NRXN3: variants seen among roughly 807,000 people sequenced by gnomAD.
The protein encoded by NRXN3 is neurexin III.
NRXN3 carries 32 observed loss-of-function variants against 137.6 expected under a neutral mutation model. That is an observed-to-expected ratio of 0.23 (90% CI 0.18 to 0.31). The LOEUF (loss-of-function observed/expected upper bound fraction) is 0.31. NRXN3 is among the 10% of genes least tolerant of loss of function. NRXN3 has a pLI of 1.00. For synonymous variants in NRXN3, 798 were observed against 784.5 expected (o/e 1.02, Z -0.29); for missense variants, 1,574 against 2,062.5 (o/e 0.76, Z 4.59).
At chr14:79,199,835 G>A (rs988402440) in intron 15 of NRXN3, 2 of 152,194 alleles carry the variant, frequency 1.3e-5, no homozygotes, top group Non-Finnish European at 2.9e-5. Flanking sequence ...AAGTAGAAAG[G>A]TTTCAAATGG....
At position 79,375,276 on chromosome 14, in the gene NRXN3, G is replaced by A. The variant is rs865931256; in HGVS notation, c.3263-91945G>A. On this transcript the variant is annotated intron_variant, in intron 15 of 20. Coordinates refer to ENST00000335750, the MANE Select transcript of NRXN3 (RefSeq NM_001330195.2). Reference sequence around the variant, plus strand: ...TCCTTAAACACAAAACTACACCCCCGCCTCCAGCTCCCACCCCCTCCCACA... The same window carrying A: ...TCCTTAAACACAAAACTACACCCCCACCTCCAGCTCCCACCCCCTCCCACA... Among the ~76,000 whole-genome samples the A allele has an allele frequency of 2.0e-3, 208 of 104,110 alleles. 2 individuals are homozygous for A. Among genetic ancestry groups the A allele is most frequent in the African/African-American group, 7.0e-3 (197 of 28,280 alleles). The allele number at this position is 104,110 out of a possible 152,430, so 68.3% of individuals were successfully genotyped here.
chr14:78,927,150 C>CTCTTAAGAA (rs546385554), intron 10 of NRXN3, among the ~76,000 whole-genome samples: 2 of 111,724 alleles, frequency 1.8e-5, no homozygotes, highest in African/African-American at 6.8e-5. Context: ...GTGAGACCCT[C>CTCTTAAGAA]AAAAAAAAAA....
chr14:78,225,980 TG>T (rs1567013526), intron 1 of NRXN3, among the ~76,000 whole-genome samples: 50 of 133,860 alleles, frequency 3.7e-4, no homozygotes, highest in African/African-American at 1.1e-3. Flanking sequence ...TGTTGGTGTG[TG>T]TGTGTGTGTG....
intron 8 of NRXN3, among the ~76,000 whole-genome samples, chr14:78,734,206 AACACACACACACACACACAC>A (rs10563958): frequency 1.2e-4 from 16 of 137,702 alleles, no homozygotes; most frequent in African/African-American, 2.1e-4. Flanking sequence ...CTGCATCTGA[AACACACACACACACACACAC>A]ACACACACAC....
At chr14:78,305,422 T>C (rs1365091342) in intron 4 of NRXN3, among the ~76,000 whole-genome samples, 1 of 152,170 alleles carries the variant, frequency 6.6e-6, no homozygotes, top group Non-Finnish European at 1.5e-5. Context: ...TCAGAAGCCC[T>C]TTTTGATTTG....
chr14:79,190,015 G>C (rs2064072079), intron 15 of NRXN3, among the ~76,000 whole-genome samples: 1 of 152,098 alleles, frequency 6.6e-6, no homozygotes, highest in East Asian at 1.9e-4. Flanking sequence ...TTGCATTTTG[G>C]AATTGGGTGA....
chr14:78,597,492 A>C (rs941502656), intron 4 of NRXN3, among the ~76,000 whole-genome samples: 2 of 152,266 alleles, frequency 1.3e-5, no homozygotes, highest in South Asian at 4.2e-4. Flanking sequence ...CAAAGGACCC[A>C]ATAGAAGCTT....
intron 19 of NRXN3, among the ~76,000 whole-genome samples, chr14:79,741,495 T>C (rs184835290): frequency 1.3e-5 from 2 of 152,094 alleles, no homozygotes; most frequent in Admixed American, 1.3e-4. Flanking sequence ...AATTTTTTGT[T>C]GTTGTTTTTG....
chr14:79,704,658 C>T (rs1005889720), intron 19 of NRXN3, among the ~76,000 whole-genome samples: 7 of 152,256 alleles, frequency 4.6e-5, no homozygotes, highest in East Asian at 3.9e-4. Context: ...CTGGAGAAGG[C>T]GCTGAAGATT....
intron 10 of NRXN3, among the ~76,000 whole-genome samples, chr14:78,852,574 T>C (rs2099045519): frequency 6.6e-6 from 1 of 152,210 alleles, no homozygotes; most frequent in Non-Finnish European, 1.5e-5. Flanking sequence ...TGTTCATATG[T>C]TCATGTGTTT....
In NRXN3 at chr14:78,798,803, A is replaced by G. The variant is rs2153070839; in HGVS notation, c.2045-4817A>G. Among the ~76,000 whole-genome samples, 3 of 152,316 alleles carry G rather than the reference A, an allele frequency of 2.0e-5. No homozygotes were observed. The South Asian group carries it at 6.2e-4, about 32-fold the overall frequency. Reference sequence around the variant, plus strand: ...CGTGTACCCACATGCTCAATATCACATGGAAGCTGCCAAGGCTTGGGGCTT... The same window carrying G: ...CGTGTACCCACATGCTCAATATCACGTGGAAGCTGCCAAGGCTTGGGGCTT... On this transcript the variant is annotated intron_variant, in intron 8 of 20. Coordinates refer to ENST00000335750, the MANE Select transcript of NRXN3 (RefSeq NM_001330195.2).
chr14:79,452,152 C>T (rs527856548), intron 15 of NRXN3, among the ~76,000 whole-genome samples: 1 of 152,066 alleles, frequency 6.6e-6, no homozygotes, highest in Admixed American at 6.6e-5. Flanking sequence ...AAAGCAGTTT[C>T]CAATCTAAGT....
At chr14:78,324,538 C>T (rs908534509) in intron 4 of NRXN3, among the ~76,000 whole-genome samples, 1 of 151,992 alleles carries the variant, frequency 6.6e-6, no homozygotes, top group Non-Finnish European at 1.5e-5. Context: ...GTATAAATAA[C>T]AAAACCAAAT....
intron 4 of NRXN3, among the ~76,000 whole-genome samples, chr14:78,454,795 C>T (rs1342334695): frequency 6.6e-6 from 1 of 152,074 alleles, no homozygotes; most frequent in East Asian, 1.9e-4. Flanking sequence ...GCAGAGGGAA[C>T]AGGATATGTA....
chr14:79,436,872 C>A (rs1193545251), intron 15 of NRXN3, among the ~76,000 whole-genome samples: 1 of 152,178 alleles, frequency 6.6e-6, no homozygotes, highest in Non-Finnish European at 1.5e-5. Context: ...TCAGCCTGCA[C>A]TCCGTTATCT....
chr14:78,412,922 T>A (rs1056088350), intron 4 of NRXN3, among the ~76,000 whole-genome samples: 9 of 152,186 alleles, frequency 5.9e-5, no homozygotes, highest in African/African-American at 1.9e-4. Context: ...AGTCTCTCAT[T>A]TGCTTTGCTT....
chr14:78,923,086 T>C (rs1252582188), intron 10 of NRXN3, among the ~76,000 whole-genome samples: 1 of 152,140 alleles, frequency 6.6e-6, no homozygotes, highest in Non-Finnish European at 1.5e-5. Flanking sequence ...GTCAGGTTTT[T>C]CTGGACCCCT....
At chr14:79,581,451 AACACATCAACTCCAGCTCCCTCCAGT>A (rs1454087662) in intron 16 of NRXN3, among the ~76,000 whole-genome samples, 1 of 152,176 alleles carries the variant, frequency 6.6e-6, no homozygotes, top group Non-Finnish European at 1.5e-5. Flanking sequence ...ACTTCCAACC[AACACATCAACTCCAGCTCCCTCCAGT>A]ACTCCTTCTT....
At chr14:79,755,423 C>G (rs1373671527) in intron 19 of NRXN3, among the ~76,000 whole-genome samples, 1 of 152,016 alleles carries the variant, frequency 6.6e-6, no homozygotes, top group African/African-American at 2.4e-5. Context: ...GATTCCTCTA[C>G]AGTGTAAATC....
Sources: gnomAD v4.1 joint callset for allele counts (sites outside exome capture counted in the v4.1 genomes callset) on GRCh38, gnomAD v4.1.1 for gene constraint, MANE v1.5 for transcripts, NCBI Gene and HGNC (gene_info 2026-07-23, HGNC 2026-07-21) for gene names.